The following ABCA13 variants were observed in gnomAD, a reference collection of about 807,000 sequenced individuals.
The protein encoded by ABCA13 is ATP-binding cassette sub-family A member 13.
In ABCA13, 476 loss-of-function variants were observed where a neutral mutation model predicts 478.7. The observed-to-expected ratio is 0.99, with a 90% CI of 0.92 to 1.07. The LOEUF (loss-of-function observed/expected upper bound fraction) is 1.07, where lower values mean the gene tolerates loss of function less well. Ranked by LOEUF, ABCA13 falls within the 50% of genes least tolerant of loss-of-function variation. The probability of loss-of-function intolerance (pLI) is 0.00; values close to 1 mark genes in which losing one functional copy is unlikely to be tolerated. For synonymous variants in ABCA13, 2,252 were observed against 2,158.9 expected, an observed-to-expected ratio of 1.04 and a Z score of -1.20; for missense variants, 6,060 against 5,910.6, an observed-to-expected ratio of 1.03 and a Z score of -0.83.
chr7:48,535,855 T>G (rs1167200983), intron 55 of ABCA13, among the ~76,000 whole-genome samples: 3 of 152,056 alleles, frequency 2.0e-5, no homozygotes, highest in Non-Finnish European at 2.9e-5. Flanking sequence ...CAGGTCTCAC[T>G]CCCACCGTGG....
Position 48,524,260 on chromosome 7 carries a change from T to G in ABCA13, c.14064T>G (p.Thr4688=). Reference sequence around the variant, plus strand: ...TTCATCTTCCCAGGGGTCATTCTACTCTCCAAGGCACAGTCAAATCTTCTA... The same window carrying G: ...TTCATCTTCCCAGGGGTCATTCTACGCTCCAAGGCACAGTCAAATCTTCTA... The part of the protein sequence containing the change: ...DLLRWPRGHS[T]LQGTVKSSKD... Residue 4688 remains threonine, a synonymous_variant, in exon 54 of 62, where the codon ACT becomes ACG. Coordinates refer to ENST00000435803, the MANE Select transcript of ABCA13 (RefSeq NM_152701.5). The G allele has an allele frequency of 1.9e-6, 3 of 1,611,128 alleles. No individual in the cohort carries two copies. Among genetic ancestry groups the G allele is most frequent in the Non-Finnish European group, 2.5e-6 (3 of 1,178,740 alleles).
intron 59 of ABCA13, among the ~76,000 whole-genome samples, chr7:48,622,618 C>T (rs554158146): frequency 6.6e-6 from 1 of 152,132 alleles, no homozygotes; most frequent in African/African-American, 2.4e-5. Context: ...TTGTCCTCAT[C>T]CTCATCTTTT....
intron 43 of ABCA13, among the ~76,000 whole-genome samples, chr7:48,459,615 C>T (rs950278519): frequency 4.6e-5 from 7 of 152,186 alleles, no homozygotes; most frequent in South Asian, 4.2e-4. Flanking sequence ...TAACTTAGTG[C>T]GGGAGATTCT....
Position 48,376,467 on chromosome 7 carries a change from G to C in ABCA13, c.11230G>C (p.Ala3744Pro). Residue 3744 changes from alanine (A) to proline (P), a missense_variant, in exon 35 of 62, where the codon GCT becomes CCT. By Grantham distance (27) the Ala-to-Pro change is conservative. Transcript: ENST00000435803. ...GATTCAATGGAATAATATGTACCAGGCTCTGGAACAAGGGGGCATGACATT... is the reference window on the plus strand; with the variant it reads ...GATTCAATGGAATAATATGTACCAGCCTCTGGAACAAGGGGGCATGACATT... ...TGIQWNNMYQ[A>P]LEQGGMTFGW... 9 of 1,613,764 alleles carry C rather than the reference G, an allele frequency of 5.6e-6. No individual in the cohort carries two copies. The highest frequency in any genetic ancestry group is 7.6e-6 in the Non-Finnish European group (9 of 1,179,812).
intron 3 of ABCA13, among the ~76,000 whole-genome samples, chr7:48,203,789 G>A (rs1325087742): frequency 1.3e-5 from 2 of 152,200 alleles, no homozygotes; most frequent in East Asian, 3.8e-4. Context: ...TCGGGAGGCG[G>A]ATCGCCATAC....
intron 49 of ABCA13, among the ~76,000 whole-genome samples, chr7:48,506,905 C>G (rs552554433): frequency 3.0e-4 from 45 of 152,234 alleles, no homozygotes; most frequent in Non-Finnish European, 5.7e-4. Context: ...TTTTTCTCCC[C>G]CATCTCCCTT....
rs11357239 is a variant in ABCA13, at chr7:48,372,515, TAAA to T, written c.11133+34_11133+36del. On this transcript the variant is annotated intron_variant, in intron 33 of 61. Coordinates refer to ENST00000435803, the MANE Select transcript of ABCA13 (RefSeq NM_152701.5). ...CATTTCTGGTAAGTAAGTTGTTTTG[TAAA>T]AAAAAAAAAAAAAAACAACAAAATT... The T allele has an allele frequency of 4.1e-3, 4,894 of 1,183,068 alleles. No homozygotes were observed. Among genetic ancestry groups the T allele is most frequent in the East Asian group, 8.9e-3 (346 of 38,820 alleles). The allele number at this position is 1,183,068 out of a possible 1,614,324, so 73.3% of individuals were successfully genotyped here.
chr7:48,252,717 T>C (rs562540783), intron 15 of ABCA13, among the ~76,000 whole-genome samples: 123 of 152,356 alleles, frequency 8.1e-4, no homozygotes, highest in African/African-American at 2.9e-3. Context: ...TTTGTGTTTT[T>C]CACTGTGTTT....
chr7:48,323,036 A>G (rs1803734412), intron 27 of ABCA13, among the ~76,000 whole-genome samples: 1 of 152,056 alleles, frequency 6.6e-6, no homozygotes, highest in African/African-American at 2.4e-5. Flanking sequence ...CCTCCTCTTT[A>G]TTGCCAAGTG....
At chr7:48,467,403 GA>G (rs1827000876) in intron 44 of ABCA13, among the ~76,000 whole-genome samples, 1 of 152,120 alleles carries the variant, frequency 6.6e-6, no homozygotes, top group Non-Finnish European at 1.5e-5. Flanking sequence ...TACTTTTAGA[GA>G]ATCCTTGTAC....
At chr7:48,573,126 A>G (rs1787835598) in intron 55 of ABCA13, among the ~76,000 whole-genome samples, 2 of 152,058 alleles carry the variant, frequency 1.3e-5, no homozygotes, top group Non-Finnish European at 2.9e-5. Context: ...TACTATGTTT[A>G]AAGTACTCTG....
chr7:48,295,810 C>T lies in ABCA13; in HGVS notation c.9066C>T (p.Gly3022=). 1 of 1,613,936 alleles carries T rather than the reference C, an allele frequency of 6.2e-7. No homozygotes were observed. The highest frequency in any genetic ancestry group is 8.5e-7 in the Non-Finnish European group (1 of 1,179,872). The change falls in exon 21 of 62, where the codon GGC becomes GGT. Residue 3022 remains glycine (G), a synonymous_variant. Coordinates refer to ENST00000435803, the MANE Select transcript of ABCA13 (RefSeq NM_152701.5). Reference sequence around the variant, plus strand: ...AGAGCAGCTTGGAAAATGCCACTGGCCAGGACTGCACAAGCCAGCCGAGGC... The same window carrying T: ...AGAGCAGCTTGGAAAATGCCACTGGTCAGGACTGCACAAGCCAGCCGAGGC... ...SFKSSLENAT[G]QDCTSQPRLE... is the part of the protein sequence containing the mutation.
chr7:48,291,160 T>G (rs1348352808), intron 20 of ABCA13, among the ~76,000 whole-genome samples: 1 of 151,996 alleles, frequency 6.6e-6, no homozygotes. Context: ...AGACAATAAA[T>G]GGGGTCTGTG....
Position 48,635,749 on chromosome 7 carries a change from T to C in ABCA13, c.14838-7539T>C, listed in dbSNP as rs541866195. Among the ~76,000 whole-genome samples, 18 of 152,286 alleles carry C rather than the reference T, an allele frequency of 1.2e-4. No homozygotes were observed. The South Asian group carries it at 3.7e-3, about 32-fold the overall frequency. ...GCAGCAGGCTGGAGTGGAGTTTCCA[T>C]TTCCCTGAGCTGGGAGGTAGCAGAA... On this transcript the variant is annotated intron_variant, in intron 59 of 61. Coordinates refer to ENST00000435803, the MANE Select transcript of ABCA13 (RefSeq NM_152701.5).
chr7:48,577,862 A>G (rs1788332963), intron 55 of ABCA13, among the ~76,000 whole-genome samples: 1 of 152,162 alleles, frequency 6.6e-6, no homozygotes, highest in African/African-American at 2.4e-5. Flanking sequence ...AATGTACGAA[A>G]AGAATTATAT....
intron 59 of ABCA13, among the ~76,000 whole-genome samples, chr7:48,641,627 C>T (rs1229005991): frequency 6.6e-6 from 1 of 152,180 alleles, no homozygotes; most frequent in Non-Finnish European, 1.5e-5. Flanking sequence ...TACATTTTGT[C>T]ATGCCATCAG....
rs1320861757 is a variant in ABCA13 at position 48,279,069 on chromosome 7, G to A, written c.7875G>A (p.Met2625Ile). 2 of 1,612,676 alleles carry A rather than the reference G, an allele frequency of 1.2e-6. No homozygotes were observed. The highest frequency in any genetic ancestry group is 1.3e-5 in the African/African-American group (1 of 74,886). ...FSMSPSILSY[M>I]NQSKDFSDIL... ...TGTCACCTAGCATACTCTCATATAT[G>A]AACCAATCTAAGGACTTTTCTGATA... is the stretch of plus-strand genomic sequence containing the variant. Residue 2625 changes from methionine (M) to isoleucine (I), a missense_variant, in exon 18 of 62, where the codon ATG (methionine) becomes ATA (isoleucine). By Grantham distance (10) the Met-to-Ile change is conservative. Coordinates refer to ENST00000435803, the MANE Select transcript of ABCA13 (RefSeq NM_152701.5).
chr7:48,524,198 T>C, intron 53 of ABCA13, 50 bp from the exon 54 acceptor site: 1 of 1,547,458 alleles, frequency 6.5e-7, no homozygotes, highest in African/African-American at 1.4e-5. Context: ...TTCTAGACTA[T>C]TCTGGTATCA....
At chr7:48,507,779 G>T (rs1466222612) in intron 49 of ABCA13, 93 bp from the exon 50 acceptor site, 1 of 1,395,588 alleles carries the variant, frequency 7.2e-7, no homozygotes, top group Non-Finnish European at 9.6e-7. Context: ...TTAATTAGCA[G>T]TTTTCACTGC....
Sources: allele counts gnomAD v4.1 joint callset (sites outside exome capture counted in the v4.1 genomes callset), GRCh38; gene constraint gnomAD v4.1.1; transcripts MANE v1.5; gene names NCBI Gene and HGNC (gene_info 2026-07-23, HGNC 2026-07-21).